ADAR: variants seen among roughly 807,000 people sequenced by gnomAD.
ADAR encodes adenosine deaminase RNA specific, also known as double-stranded RNA-specific adenosine deaminase.
ADAR carries 41 observed loss-of-function variants against 113.2 expected under a neutral mutation model. That is an observed-to-expected ratio of 0.36 (90% CI 0.28 to 0.47). ADAR has a LOEUF of 0.47. Among genes scored for constraint, ADAR ranks in the 20% least tolerant of loss-of-function variants. The pLI is 1.00. For synonymous variants in ADAR, 605 were observed against 572.6 expected (o/e 1.06, Z -0.81); for missense variants, 1,242 against 1,540.9 (o/e 0.81, Z 3.25).
rs146391734 is a variant in ADAR, at chr1:154,616,548, C to T, written c.-871+11307G>A. 3.2e-3 allele frequency among the ~76,000 whole-genome samples: 492 copies of T among 152,260 alleles called. 2 individuals carry two copies. The highest frequency in any genetic ancestry group is 0.012 in the African/African-American group (478 of 41,544). On this transcript the variant is annotated intron_variant, in intron 1 of 14. Coordinates refer to the ADAR transcript ENST00000368471. Reference sequence around the variant, plus strand: ...CACTTCTGGAGGAAGAGCTTGAGCTCTAACCCCTACCCCCTCCCATCGCAT... The same window carrying T: ...CACTTCTGGAGGAAGAGCTTGAGCTTTAACCCCTACCCCCTCCCATCGCAT...
At chr1:154,609,128 G>A (rs1698393625), upstream of ADAR, among the ~76,000 whole-genome samples, 1 of 152,132 alleles carries the variant, frequency 6.6e-6, no homozygotes, top group South Asian at 2.1e-4. Context: ...CTTGACTAAG[G>A]CCACGCTGCT....
chr1:154,611,816 TGTC>T (rs1698495960), upstream of ADAR, among the ~76,000 whole-genome samples: 1 of 152,240 alleles, frequency 6.6e-6, no homozygotes, highest in Non-Finnish European at 1.5e-5. Context: ...TAAGAGTTAC[TGTC>T]TAAAAATGAA....
At chr1:154,610,592 C>T (rs1403125343), upstream of ADAR, among the ~76,000 whole-genome samples, 2 of 152,010 alleles carry the variant, frequency 1.3e-5, no homozygotes, top group African/African-American at 2.4e-5. Flanking sequence ...GGGCGGATCA[C>T]GAGGTCAGGG....
chr1:154,606,935 TAA>T (rs3058643), intron 1 of ADAR, among the ~76,000 whole-genome samples: 3 of 32,598 alleles, frequency 9.2e-5, no homozygotes, highest in African/African-American at 2.8e-4. Context: ...AAGGAGTGCT[TAA>T]AAAAAAAAAA....
At chr1:154,605,716 T>G (rs1333871630) in intron 1 of ADAR, among the ~76,000 whole-genome samples, 1 of 152,188 alleles carries the variant, frequency 6.6e-6, no homozygotes, top group Non-Finnish European at 1.5e-5. Context: ...ATTTCTTTCT[T>G]GTTCCTCTTG....
intron 13 of ADAR, 145 bp downstream of exon 13, chr1:154,585,608 T>G: frequency 1.1e-6 from 1 of 884,172 alleles, no homozygotes; most frequent in East Asian, 2.6e-5. Context: ...CCAATGTTGG[T>G]GGTGGGCCAC....
intron 13 of ADAR, 24 bp downstream of exon 13, chr1:154,585,729 G>C: frequency 6.3e-7 from 1 of 1,583,078 alleles, no homozygotes; most frequent in African/African-American, 1.3e-5. Context: ...AAATGTCAGG[G>C]AAAATAGAAG....
At chr1:154,613,761 G>A (rs1456673363) in intron 1 of ADAR, among the ~76,000 whole-genome samples, 7 of 151,898 alleles carry the variant, frequency 4.6e-5, no homozygotes, top group Non-Finnish European at 7.4e-5. Context: ...AAAATTAGCC[G>A]GGTGTGGTGG....
intron 1 of ADAR, among the ~76,000 whole-genome samples, chr1:154,620,857 A>T (rs1379820888): frequency 6.6e-6 from 1 of 152,228 alleles, no homozygotes; most frequent in Non-Finnish European, 1.5e-5. Flanking sequence ...GCACAGAGAT[A>T]CACATAGTTA....
At chr1:154,585,703 T>G (rs1478455774) in intron 13 of ADAR, 50 bp downstream of exon 13, 1 of 1,489,040 alleles carries the variant, frequency 6.7e-7, no homozygotes, top group Non-Finnish European at 9.4e-7. Context: ...TTTACATGAC[T>G]GCTTGAAAAG....
chr1:154,606,947 A>ACAT (rs1214124039), intron 1 of ADAR, among the ~76,000 whole-genome samples: 1 of 148,436 alleles, frequency 6.7e-6, no homozygotes, highest in African/African-American at 2.5e-5. Context: ...AAAAAAAAAA[A>ACAT]ATATATATAT....
rs1025148420 is a variant in ADAR, at chr1:154,588,190, T to C, written c.2954A>G (p.Glu985Gly). The C allele has an allele frequency of 6.2e-7, 1 of 1,613,884 alleles. No homozygotes were observed. The highest frequency in any genetic ancestry group is 1.3e-5 in the African/African-American group (1 of 74,906). The change falls in exon 11 of 15, where the codon GAA becomes GGA. Residue 985 changes from glutamate to glycine, a missense_variant. Glu to Gly is a moderately conservative substitution (Grantham distance 98). This residue lies in a region of ADAR where 780 missense variants were observed against 1,057.9 expected (regional missense o/e 0.74). Coordinates refer to ENST00000368474, the MANE Select transcript of ADAR (RefSeq NM_001111.5). The part of the protein sequence containing the change: ...SCSDRAMEST[E>G]SRHYPVFENP... ...CTCGAAGACAGGGTAGTGGCGGGAT[T>C]CTGTGCTTTCCATAGCACGGTCGCT...
chr1:154,601,705 A>C lies in ADAR; in HGVS notation c.937T>G (p.Ser313Ala). Residue 313 changes from serine to alanine, a missense_variant, in exon 2 of 15, where the codon TCC becomes GCC. Around this residue, in one of 2 missense-constraint regions of ADAR, gnomAD observed 462 missense variants for 483.1 expected, o/e 0.96. Transcript: ENST00000368474. The surrounding 1 kb of genome is among the most constrained non-coding windows in gnomAD (Gnocchi z 4.7). ...ICDYLFNVSD[S>A]SALNLAKNIG... is the part of the protein sequence containing the mutation. ...TTTTTAGCCAAATTCAGGGCAGAGG[A>C]GTCAGACACATTGAAGAGATAGTCG... is the stretch of plus-strand genomic sequence containing the variant. The C allele has an allele frequency of 6.2e-7, 1 of 1,614,202 alleles. No individual in the cohort carries two copies. The highest frequency in any genetic ancestry group is 2.2e-5 in the East Asian group (1 of 44,884).
chr1:154,608,415 GC>G (rs923814413), upstream of ADAR, among the ~76,000 whole-genome samples: 79 of 146,770 alleles, frequency 5.4e-4, no homozygotes, highest in African/African-American at 1.9e-3. Flanking sequence ...TGCAACCTCT[GC>G]CCCCCGGGTT....
intron 11 of ADAR, among the ~76,000 whole-genome samples, chr1:154,587,898 C>T (rs1180865631): frequency 2.0e-5 from 3 of 152,214 alleles, no homozygotes; most frequent in Admixed American, 1.3e-4. Context: ...TGGGAACCCC[C>T]ACCTCCTATT....
At chr1:154,599,067 CT>C (rs1697698490) in intron 2 of ADAR, among the ~76,000 whole-genome samples, 1 of 152,210 alleles carries the variant, frequency 6.6e-6, no homozygotes, top group South Asian at 2.1e-4. Flanking sequence ...GCATCTGCCA[CT>C]TATCAGTGGC....
intron 6 of ADAR, among the ~76,000 whole-genome samples, chr1:154,591,984 C>T (rs1364218205): frequency 2.0e-5 from 3 of 152,094 alleles, no homozygotes; most frequent in Non-Finnish European, 4.4e-5. Flanking sequence ...CATGACTGCC[C>T]CATGTGTTTG....
chr1:154,594,272 T>C (rs1002024454), intron 6 of ADAR, among the ~76,000 whole-genome samples: 4 of 152,234 alleles, frequency 2.6e-5, no homozygotes, highest in South Asian at 4.1e-4. Flanking sequence ...AATGGACAAG[T>C]TGGATGCCAA....
At chr1:154,627,863 G>A (rs1013568357) in exon 1 of ADAR, 1 of 517,848 alleles carries the variant, frequency 1.9e-6, no homozygotes, top group African/African-American at 1.9e-5. Context: ...ACCGGGTCTT[G>A]CACTTCCTCG....
Sources: allele counts gnomAD v4.1 joint callset (sites outside exome capture counted in the v4.1 genomes callset), GRCh38; gene constraint gnomAD v4.1.1; regional missense constraint gnomAD v4.1.1; non-coding constraint Gnocchi (gnomAD v3.1); transcripts MANE v1.5; gene names NCBI Gene and HGNC (gene_info 2026-07-23, HGNC 2026-07-21).